ATMIN: variants seen among roughly 807,000 people sequenced by gnomAD.
ATMIN encodes the protein ATM INteracting protein.
Under a neutral mutation model 49.2 loss-of-function variants are expected in ATMIN, and 24 were observed. The observed-to-expected ratio is 0.49, with a 90% CI of 0.35 to 0.69. ATMIN has a LOEUF of 0.69. Ranked by LOEUF, ATMIN falls within the 30% of genes least tolerant of loss-of-function variation. The pLI is 0.00. For missense variants in ATMIN, 1,037 were observed against 1,005.5 expected, an observed-to-expected ratio of 1.03 and a Z score of -0.42; for synonymous variants, 450 against 392.5, an observed-to-expected ratio of 1.15 and a Z score of -1.73.
chr16:81,037,160 C>A lies in ATMIN; in HGVS notation c.336+954C>A, dbSNP rs1276427129. 7.1e-6 allele frequency: 7 copies of A among 985,230 alleles called. No homozygotes were observed. The African/African-American group carries it at 1.2e-4, about 17-fold the overall frequency. The allele number at this position is 985,230 out of a possible 1,614,324, so 61.0% of individuals were successfully genotyped here. ...TTAAGTCACAATCTCTCAGTCATTA[C>A]AATGGCAAGTTTCCTTCCACCACTC... On this transcript the variant is annotated intron_variant, in intron 1 of 3. Coordinates refer to ENST00000299575, the MANE Select transcript of ATMIN (RefSeq NM_015251.3).
Position 81,044,112 on chromosome 16 carries a change from A to G in ATMIN, c.1614A>G (p.Val538=). ...GTAACATTATAAGCAACAGTTTAGT[A>G]GCAGAGACAGTAACTCATAGTTTGT... ...ATGNIISNSL[V]AETVTHSLLP... Residue 538 remains valine (V), a synonymous_variant, in exon 4 of 4, where the codon GTA becomes GTG. Coordinates refer to ENST00000299575, the MANE Select transcript of ATMIN (RefSeq NM_015251.3). The G allele has an allele frequency of 6.2e-7, 1 of 1,614,224 alleles. No individual in the cohort carries two copies. The highest frequency in any genetic ancestry group is 8.5e-7 in the Non-Finnish European group (1 of 1,180,028).
At chr16:81,042,178 T>C in intron 2 of ATMIN, 103 bp from the exon 3 acceptor site, 1 of 984,924 alleles carries the variant, frequency 1.0e-6, no homozygotes, top group Admixed American at 2.0e-5. Context: ...ATGTTATTTA[T>C]ATTAATAGTG....
chr16:81,043,582 C>T lies in ATMIN; in HGVS notation c.1084C>T (p.Leu362Phe), dbSNP rs774848780. 3.1e-6 allele frequency: 5 copies of T among 1,614,170 alleles called. No individual in the cohort carries two copies. The South Asian group carries it at 5.5e-5, about 18-fold the overall frequency. ...ILGLDSEACS[L>F]KESLPLFKIA... ...CGGCCTAGATTCAGAGGCTTGCTCT[C>T]TTAAGGAGAGCCTACCTCTTTTCAA... Residue 362 changes from leucine to phenylalanine, a missense_variant, in exon 4 of 4, where the codon CTT becomes TTT. Physicochemically the swap from Leu to Phe is conservative, Grantham distance 22. Coordinates refer to ENST00000299575, the MANE Select transcript of ATMIN (RefSeq NM_015251.3).
chr16:81,037,524 A>G, intron 1 of ATMIN: 1 of 983,416 alleles, frequency 1.0e-6, no homozygotes, highest in African/African-American at 1.7e-5. Flanking sequence ...TGGACTGAAA[A>G]GCTCTGGGTT....
intron 1 of ATMIN, among the ~76,000 whole-genome samples, chr16:81,039,558 G>A (rs150737928): frequency 2.6e-5 from 4 of 152,178 alleles, no homozygotes; most frequent in African/African-American, 9.7e-5. Flanking sequence ...TCCATATCCT[G>A]TAAGGAAATC....
intron 1 of ATMIN, chr16:81,037,300 C>T: frequency 2.0e-6 from 2 of 985,472 alleles, no homozygotes; most frequent in Non-Finnish European, 2.4e-6. Flanking sequence ...CATGTTCTGT[C>T]TGCCCATAGT....
chr16:81,046,149 G>T lies in ATMIN; in HGVS notation c.*1179G>T, dbSNP rs896379363. On this transcript the variant is annotated 3_prime_UTR_variant, in exon 4 of 4. Coordinates refer to ENST00000299575, the MANE Select transcript of ATMIN (RefSeq NM_015251.3). Reference sequence around the variant, plus strand: ...TCTCCACAGTAGGCCAGAGTTGGGGGCTCTGGAGCTGTTTCCCCAAGTGCA... The same window carrying T: ...TCTCCACAGTAGGCCAGAGTTGGGGTCTCTGGAGCTGTTTCCCCAAGTGCA... 1 of 152,102 alleles carries T rather than the reference G, an allele frequency of 6.6e-6. No individual in the cohort carries two copies. Among genetic ancestry groups the T allele is most frequent in the African/African-American group, 2.4e-5 (1 of 41,388 alleles). 9.4% of individuals were successfully genotyped at this position (152,102 alleles called of 1,614,324 possible).
intron 1 of ATMIN, among the ~76,000 whole-genome samples, chr16:81,040,063 C>G (rs1187554713): frequency 1.3e-5 from 2 of 152,158 alleles, no homozygotes; most frequent in Non-Finnish European, 2.9e-5. Context: ...TCTTACTTTT[C>G]CTCTTGTATA....
Position 81,044,461 on chromosome 16 carries a change from G to A in ATMIN, c.1963G>A (p.Glu655Lys). The stretch of plus-strand genomic sequence containing the variant: ...TATCCAGACTCAAACTGAAGAGAGT[G>A]AACTTAGCACCATGACCACCGAGCC... ...SNIQTQTEES[E>K]LSTMTTEPVL... is the part of the protein sequence containing the mutation. The change falls in exon 4 of 4, where the codon GAA becomes AAA. Residue 655 changes from glutamate (E) to lysine (K), a missense_variant. By Grantham distance (56) the Glu-to-Lys change is moderately conservative. Transcript: ENST00000299575. 1.2e-6 allele frequency: 2 copies of A among 1,613,898 alleles called. No homozygotes were observed. Among genetic ancestry groups the A allele is most frequent in the Non-Finnish European group, 1.7e-6 (2 of 1,179,976 alleles).
intron 1 of ATMIN, 131 bp downstream of exon 1, chr16:81,036,337 T>C (rs1597122096): frequency 1.1e-6 from 1 of 893,762 alleles, no homozygotes; most frequent in South Asian, 5.2e-5. Context: ...CCCACCGGCC[T>C]CTGCCCTCCC....
Position 81,044,847 on chromosome 16 carries a change from C to T in ATMIN, c.2349C>T (p.Asn783=), listed in dbSNP as rs199884781. 5 of 1,614,032 alleles carry T rather than the reference C, an allele frequency of 3.1e-6. No individual in the cohort carries two copies. The highest frequency in any genetic ancestry group is 1.1e-5 in the South Asian group (1 of 91,092). The change falls in exon 4 of 4, where the codon AAC becomes AAT. Residue 783 remains asparagine, a synonymous_variant. Transcript: ENST00000299575. ...TGGGGAGCTTGTTCTTCACCAGCAA[C>T]GAAACTCAGACAGCAATGGATGACT... ...ETLGSLFFTS[N]ETQTAMDDFL... is the part of the protein sequence containing the mutation.
chr16:81,036,246 G>T, intron 1 of ATMIN, 40 bp downstream of exon 1: 1 of 1,262,528 alleles, frequency 7.9e-7, no homozygotes, highest in South Asian at 2.1e-5. Context: ...GGCCGGGCCT[G>T]GCTCCAACAA....
At position 81,044,928 on chromosome 16, in the gene ATMIN, A is replaced by T; in HGVS notation, c.2430A>T (p.Glu810Asp). The change falls in exon 4 of 4, where the codon GAA (glutamate) becomes GAT (aspartate). Residue 810 changes from glutamate to aspartate, a missense_variant. Coordinates refer to ENST00000299575, the MANE Select transcript of ATMIN (RefSeq NM_015251.3). ...NTMESQFSSV[E>D]TQTSAEPHTV... ...TGGAGTCTCAGTTCAGCTCTGTAGA[A>T]ACCCAGACTTCTGCGGAACCACACA... The T allele has an allele frequency of 1.2e-6, 2 of 1,613,996 alleles. No homozygotes were observed. Among genetic ancestry groups the T allele is most frequent in the Non-Finnish European group, 1.7e-6 (2 of 1,179,884 alleles).
At position 81,043,495 on chromosome 16, in the gene ATMIN, G is replaced by C; in HGVS notation, c.997G>C (p.Asp333His). Residue 333 changes from aspartate to histidine, a missense_variant, in exon 4 of 4, where the codon GAT (aspartate) becomes CAT (histidine). Asp to His is a moderately conservative substitution (Grantham distance 81). Coordinates refer to ENST00000299575, the MANE Select transcript of ATMIN (RefSeq NM_015251.3). The stretch of plus-strand genomic sequence containing the variant: ...AGCCCAGCCTGTGGTGTTAGGTGTT[G>C]ATCAGGGCTCTGCCACAGGGGCTGT... ...SSAQPVVLGV[D>H]QGSATGAVHL... 1.2e-6 allele frequency: 2 copies of C among 1,614,132 alleles called. No homozygotes were observed. The highest frequency in any genetic ancestry group is 4.5e-5 in the East Asian group (2 of 44,882).
intron 1 of ATMIN, 99 bp from the exon 2 acceptor site, chr16:81,041,257 A>G (rs920199908): frequency 7.6e-7 from 1 of 1,315,460 alleles, no homozygotes; most frequent in African/African-American, 1.5e-5. Flanking sequence ...AATTAAAAGT[A>G]TTTCACAAAA....
In ATMIN at chr16:81,043,965, C is replaced by A; in HGVS notation, c.1467C>A (p.Val489=). 6.2e-7 allele frequency: 1 copy of A among 1,614,154 alleles called. No individual in the cohort carries two copies. Among genetic ancestry groups the A allele is most frequent in the Non-Finnish European group, 8.5e-7 (1 of 1,180,026 alleles). ...ACACCTGTTTCCAGTCAGGTGGGGTCTCCAGAGAAACTCAAACCAGTGGGA... is the reference window on the plus strand; with the variant it reads ...ACACCTGTTTCCAGTCAGGTGGGGTATCCAGAGAAACTCAAACCAGTGGGA... The part of the protein sequence containing the change: ...FMDTCFQSGG[V]SRETQTSGIE... Residue 489 remains valine (V), a synonymous_variant, in exon 4 of 4, where the codon GTC becomes GTA. Transcript: ENST00000299575.
At chr16:81,036,567 A>G (rs1970938791) in intron 1 of ATMIN, among the ~76,000 whole-genome samples, 2 of 152,216 alleles carry the variant, frequency 1.3e-5, no homozygotes, top group African/African-American at 4.8e-5. Context: ...CGTCTCCATT[A>G]TATTAATGAG....
chr16:81,043,626 T>TG lies in ATMIN; in HGVS notation c.1130dup (p.Glu378Ter), dbSNP rs1431703231. Reference sequence around the variant, plus strand: ...TTTTCAAAATTGCTAATCCTATTGCTGGTGAGCCAATAAGTACTGGTGTTC... The same window carrying TG: ...TTTTCAAAATTGCTAATCCTATTGCTGGGTGAGCCAATAAGTACTGGTGTTC... On this transcript the variant is annotated frameshift_variant, in exon 4 of 4. Coordinates refer to ENST00000299575, the MANE Select transcript of ATMIN (RefSeq NM_015251.3). LOFTEE classifies it high-confidence loss of function. The TG allele has an allele frequency of 6.2e-7, 1 of 1,614,112 alleles. No homozygotes were observed. Among genetic ancestry groups the TG allele is most frequent in the Non-Finnish European group, 8.5e-7 (1 of 1,180,048 alleles).
Position 81,043,840 on chromosome 16 carries a change from G to A in ATMIN, c.1342G>A (p.Asp448Asn). 1 of 1,614,226 alleles carries A rather than the reference G, an allele frequency of 6.2e-7. No homozygotes were observed. Among genetic ancestry groups the A allele is most frequent in the Non-Finnish European group, 8.5e-7 (1 of 1,180,040 alleles). ...SSCSQTDLSF[D>N]SQVSLPISVH... is the part of the protein sequence containing the mutation. ...TTGTTCTCAAACTGATTTGTCGTTTGATTCTCAAGTGTCTCTTCCCATTAG... is the reference window on the plus strand; with the variant it reads ...TTGTTCTCAAACTGATTTGTCGTTTAATTCTCAAGTGTCTCTTCCCATTAG... Residue 448 changes from aspartate to asparagine, a missense_variant, in exon 4 of 4, where the codon GAT becomes AAT. Asp to Asn is a conservative substitution (Grantham distance 23, BLOSUM62 1). Coordinates refer to ENST00000299575, the MANE Select transcript of ATMIN (RefSeq NM_015251.3).
Sources: gnomAD v4.1 joint callset for allele counts (sites outside exome capture counted in the v4.1 genomes callset) on GRCh38, gnomAD v4.1.1 for gene constraint, MANE v1.5 for transcripts, NCBI Gene and HGNC (gene_info 2026-07-23, HGNC 2026-07-21) for gene names.